Variants in SEMA3A observed in about 807,000 individuals in gnomAD.
The protein encoded by SEMA3A is semaphorin 3A.
Under a neutral mutation model 97.9 loss-of-function variants are expected in SEMA3A, and 29 were observed. That is an observed-to-expected ratio of 0.30 (90% CI 0.22 to 0.40). The LOEUF (loss-of-function observed/expected upper bound fraction) is 0.40, where lower values mean the gene tolerates loss of function less well. SEMA3A is among the 10% of genes least tolerant of loss of function. SEMA3A has a pLI of 1.00. For synonymous variants in SEMA3A, 321 were observed against 323.7 expected (o/e 0.99, Z 0.09); for missense variants, 763 against 951.3 (o/e 0.80, Z 2.60).
chr7:84,353,187 G>A (rs920980255), intron 2 of SEMA3A, among the ~76,000 whole-genome samples: 1 of 151,720 alleles, frequency 6.6e-6, no homozygotes, highest in Non-Finnish European at 1.5e-5. Flanking sequence ...CAAGAAAAAT[G>A]TCTGTGCAAG....
intron 2 of SEMA3A, among the ~76,000 whole-genome samples, chr7:84,312,911 T>TACAC (rs1233821816): frequency 1.4e-4 from 7 of 51,828 alleles, no homozygotes; most frequent in Non-Finnish European, 2.7e-4. Context: ...TATATATATA[T>TACAC]ATATATATAT....
intron 3 of SEMA3A, among the ~76,000 whole-genome samples, chr7:84,280,600 A>G (rs547330189): frequency 2.3e-4 from 35 of 152,154 alleles, no homozygotes; most frequent in African/African-American, 8.4e-4. Context: ...CCTGGCCAAC[A>G]TGGTGAAACC....
intron 14 of SEMA3A, among the ~76,000 whole-genome samples, chr7:83,980,623 A>AAAAAAAAAAAAAAAAAAAATAT (rs1310318006): frequency 2.8e-5 from 2 of 71,756 alleles, no homozygotes; most frequent in African/African-American, 8.3e-5. Context: ...AAAAAAAAAA[A>AAAAAAAAAAAAAAAAAAAATAT]ATATATATAT....
At chr7:84,011,839 TCAA>T (rs1790890972) in intron 7 of SEMA3A, among the ~76,000 whole-genome samples, 1 of 152,140 alleles carries the variant, frequency 6.6e-6, no homozygotes, top group African/African-American at 2.4e-5. Context: ...TATTCAAAAA[TCAA>T]CATTGTTTTG....
At chr7:84,295,803 T>C (rs1165240188) in intron 3 of SEMA3A, among the ~76,000 whole-genome samples, 1 of 152,120 alleles carries the variant, frequency 6.6e-6, no homozygotes, top group Non-Finnish European at 1.5e-5. Flanking sequence ...AATACTTTCA[T>C]TATGATTCCG....
At chr7:84,139,879 C>A (rs911406901) in intron 1 of SEMA3A, among the ~76,000 whole-genome samples, 13 of 151,844 alleles carry the variant, frequency 8.6e-5, no homozygotes, top group African/African-American at 3.1e-4. Context: ...GGGAGAAAAA[C>A]CATATTTTAT....
At chr7:84,314,287 A>G (rs1801441467) in intron 2 of SEMA3A, among the ~76,000 whole-genome samples, 1 of 152,106 alleles carries the variant, frequency 6.6e-6, no homozygotes, top group African/African-American at 2.4e-5. Flanking sequence ...GTCATAATCA[A>G]TGATTTAGTT....
chr7:84,241,967 G>T (rs534749075), intron 3 of SEMA3A, among the ~76,000 whole-genome samples: 5 of 151,872 alleles, frequency 3.3e-5, no homozygotes, highest in African/African-American at 4.8e-5. Flanking sequence ...TGAGGCCTCT[G>T]TCCTGTTCCA....
chr7:84,428,775 G>A (rs1804892152), intron 1 of SEMA3A, among the ~76,000 whole-genome samples: 1 of 152,008 alleles, frequency 6.6e-6, no homozygotes, highest in African/African-American at 2.4e-5. Flanking sequence ...GTCAGATACT[G>A]TCCCTATAAA....
At chr7:84,239,869 C>G (rs1418969403) in intron 3 of SEMA3A, among the ~76,000 whole-genome samples, 1 of 152,028 alleles carries the variant, frequency 6.6e-6, no homozygotes, top group Non-Finnish European at 1.5e-5. Flanking sequence ...ATAAAGAGGT[C>G]ATAAAAAATT....
rs749889921 is a variant in SEMA3A, at chr7:83,980,603, C to CAAA, written c.1652+715_1652+717dup. Among the ~76,000 whole-genome samples the CAAA allele has an allele frequency of 2.2e-3, 116 of 53,912 alleles. 1 individual carries two copies. The highest frequency in any genetic ancestry group is 4.9e-3 in the African/African-American group (67 of 13,794). 35.4% of individuals were successfully genotyped at this position (53,912 alleles called of 152,430 possible). On this transcript the variant is annotated intron_variant, in intron 14 of 16. Transcript: ENST00000265362. ...CTGGTGACAGAGTGAGACTCCATCTCAAAAAAAAAAAAAAAAAAAAATATA... is the reference window on the plus strand; with the variant it reads ...CTGGTGACAGAGTGAGACTCCATCTCAAAAAAAAAAAAAAAAAAAAAAAATATA...
At chr7:84,289,654 C>G (rs934665118) in intron 3 of SEMA3A, among the ~76,000 whole-genome samples, 3 of 151,912 alleles carry the variant, frequency 2.0e-5, no homozygotes, top group African/African-American at 7.3e-5. Flanking sequence ...AACTTGGAAC[C>G]CACGCATGTT....
chr7:84,043,050 A>G (rs1397898352), intron 6 of SEMA3A, among the ~76,000 whole-genome samples: 2 of 152,040 alleles, frequency 1.3e-5, no homozygotes, highest in Non-Finnish European at 2.9e-5. Flanking sequence ...AGTACAAGAA[A>G]AAAATACTGG....
At chr7:84,029,398 T>C (rs985619394) in intron 6 of SEMA3A, among the ~76,000 whole-genome samples, 2 of 152,178 alleles carry the variant, frequency 1.3e-5, no homozygotes, top group Admixed American at 6.5e-5. Flanking sequence ...TCACTACAAA[T>C]AATGATTTAG....
At position 84,358,138 on chromosome 7, in the gene SEMA3A, T is replaced by G. The variant is rs1802616489; in HGVS notation, c.-169+13686A>C. On this transcript the variant is annotated intron_variant, in intron 2 of 3. Coordinates refer to the SEMA3A transcript ENST00000424555. ...TTTGCTATGCAGAAGCTCTTTAGTT[T>G]AATTTGATCCCATTTGTCAATTTTG... Among the ~76,000 whole-genome samples the G allele has an allele frequency of 2.0e-5, 3 of 152,214 alleles. No homozygotes were observed. In the South Asian group the frequency reaches 6.2e-4, roughly 32 times the overall value.
intron 1 of SEMA3A, among the ~76,000 whole-genome samples, chr7:84,373,820 G>GA (rs1210735220): frequency 6.6e-6 from 1 of 152,082 alleles, no homozygotes; most frequent in African/African-American, 2.4e-5. Flanking sequence ...CTAGTGTCTG[G>GA]AAAATAAAAG....
Position 84,080,347 on chromosome 7 carries a change from TATA to T in SEMA3A, c.454-19792_454-19790del, listed in dbSNP as rs780222893. Among the ~76,000 whole-genome samples the T allele has an allele frequency of 3.0e-3, 448 of 151,532 alleles. 2 individuals are homozygous for T. Among genetic ancestry groups the T allele is most frequent in the African/African-American group, 0.011 (436 of 41,268 alleles). The stretch of plus-strand genomic sequence containing the variant: ...TGCACATGTGCCCTAAAACTTAAAG[TATA>T]ATAATAACAAGAAAAAAAGAGACTA... On this transcript the variant is annotated intron_variant, in intron 4 of 16. Coordinates refer to ENST00000265362, the MANE Select transcript of SEMA3A (RefSeq NM_006080.3).
chr7:84,116,965 A>G (rs923304180), intron 3 of SEMA3A, among the ~76,000 whole-genome samples: 1 of 152,166 alleles, frequency 6.6e-6, no homozygotes. Context: ...TAAATTTACC[A>G]TTGCTTAAAA....
chr7:84,444,272 A>T (rs1287784895), intron 1 of SEMA3A, among the ~76,000 whole-genome samples: 3 of 152,178 alleles, frequency 2.0e-5, no homozygotes, highest in Non-Finnish European at 4.4e-5. Flanking sequence ...CAGGATCTTA[A>T]TCCCACTTGT....
Sources: allele counts gnomAD v4.1 joint callset (sites outside exome capture counted in the v4.1 genomes callset), GRCh38; gene constraint gnomAD v4.1.1; transcripts MANE v1.5; gene names NCBI Gene and HGNC (gene_info 2026-07-23, HGNC 2026-07-21).